ABCA1: variants seen among roughly 807,000 people sequenced by gnomAD.
The protein encoded by ABCA1 is ATP binding cassette subfamily A member 1, also known as phospholipid-transporting ATPase ABCA1.
Under a neutral mutation model 262.5 loss-of-function variants are expected in ABCA1, and 133 were observed. The observed-to-expected ratio is 0.51, with a 90% confidence interval of 0.44 to 0.59. The LOEUF is 0.59. Ranked by LOEUF, ABCA1 falls within the 20% of genes least tolerant of loss-of-function variation. The pLI, the probability that ABCA1 is intolerant of heterozygous loss-of-function variation, is 0.00. For synonymous variants in ABCA1, 1,022 were observed against 1,043.5 expected (o/e 0.98, Z 0.40); for missense variants, 2,452 against 2,777.5 (o/e 0.88, Z 2.63).
At chr9:104,882,942 T>A in intron 5 of ABCA1, 97 bp downstream of exon 5, 1 of 1,205,796 alleles carries the variant, frequency 8.3e-7, no homozygotes, top group East Asian at 2.3e-5. Flanking sequence ...TTGGGGAAGA[T>A]CTAATGGGAA....
At chr9:104,807,601 G>A (rs1830882484) in intron 30 of ABCA1, among the ~76,000 whole-genome samples, 1 of 151,954 alleles carries the variant, frequency 6.6e-6, no homozygotes. Context: ...GGATCACTAA[G>A]TCAGGAGTTC....
chr9:104,926,117 G>A (rs1170499517), intron 1 of ABCA1, among the ~76,000 whole-genome samples: 2 of 152,098 alleles, frequency 1.3e-5, no homozygotes, highest in African/African-American at 4.8e-5. Flanking sequence ...GCCATGGAGG[G>A]CAAGTGACTT....
In ABCA1 at chr9:104,799,905, T is replaced by C; in HGVS notation, c.4857A>G (p.Gln1619=). 3 of 1,614,198 alleles carry C rather than the reference T, an allele frequency of 1.9e-6. No individual in the cohort carries two copies. The highest frequency in any genetic ancestry group is 2.5e-6 in the Non-Finnish European group (3 of 1,180,040). ...CATAATGGCTAGGGTTCTCTCCCTTTTGCAGGTTGGCCCGGAGAATGGCAT... is the reference window on the plus strand; with the variant it reads ...CATAATGGCTAGGGTTCTCTCCCTTCTGCAGGTTGGCCCGGAGAATGGCAT... The part of the protein sequence containing the change: ...INNAILRANL[Q]KGENPSHYGI... The change falls in exon 36 of 50, where the codon CAA becomes CAG. Residue 1619 remains glutamine (Q), a synonymous_variant. Transcript: ENST00000374736.
intron 5 of ABCA1, among the ~76,000 whole-genome samples, chr9:104,882,271 G>A (rs1230551824): frequency 2.6e-5 from 4 of 152,122 alleles, no homozygotes; most frequent in Non-Finnish European, 5.9e-5. Flanking sequence ...AACCACCGGC[G>A]CATGATAATA....
intron 11 of ABCA1, among the ~76,000 whole-genome samples, chr9:104,833,697 C>A (rs12351480): frequency 0.22 from 32,755 of 152,126 alleles, 4,840 homozygotes; most frequent in East Asian, 0.69. Context: ...TTCCTTCTTA[C>A]TGCTTAGTTT....
At chr9:104,885,377 TTTAGCTCATCTCAAACCC>T (rs1839075113) in intron 3 of ABCA1, among the ~76,000 whole-genome samples, 1 of 152,150 alleles carries the variant, frequency 6.6e-6, no homozygotes. Flanking sequence ...TAGATTGGAA[TTTAGCTCATCTCAAACCC>T]CTCTGGTACT....
At chr9:104,795,482 C>CT (rs138227793) in intron 39 of ABCA1, among the ~76,000 whole-genome samples, 178 of 152,278 alleles carry the variant, frequency 1.2e-3, no homozygotes, top group African/African-American at 4.2e-3. Flanking sequence ...TAGGATAACT[C>CT]TAAGAGCCAG....
intron 18 of ABCA1, among the ~76,000 whole-genome samples, chr9:104,823,849 C>T (rs1339472602): frequency 6.6e-6 from 1 of 152,054 alleles, no homozygotes; most frequent in African/African-American, 2.4e-5. Context: ...GGGCATCATA[C>T]TTTTACCAAG....
At chr9:104,884,912 T>A (rs1445131149) in intron 3 of ABCA1, among the ~76,000 whole-genome samples, 1 of 152,186 alleles carries the variant, frequency 6.6e-6, no homozygotes, top group Non-Finnish European at 1.5e-5. Context: ...CCTAAGCCTA[T>A]TTTTTCATAC....
chr9:104,839,884 T>C (rs1834209986), intron 9 of ABCA1, among the ~76,000 whole-genome samples: 2 of 152,228 alleles, frequency 1.3e-5, no homozygotes, highest in Non-Finnish European at 2.9e-5. Context: ...CCCAGGAACT[T>C]ATTCATCATG....
At chr9:104,828,831 ATTTTTTTTCTTC>A in intron 15 of ABCA1, 73 bp downstream of exon 15, 1 of 1,385,342 alleles carries the variant, frequency 7.2e-7, no homozygotes, top group Non-Finnish European at 1.0e-6. Context: ...AGAGGCTTGG[ATTTTTTTTCTTC>A]TTCTCCTCCC....
At chr9:104,848,386 G>T (rs1835077907) in intron 7 of ABCA1, among the ~76,000 whole-genome samples, 1 of 152,052 alleles carries the variant, frequency 6.6e-6, no homozygotes, top group Non-Finnish European at 1.5e-5. Flanking sequence ...AAGCCAAAGT[G>T]GGTGGATCAC....
chr9:104,926,111 T>C (rs1398597874), intron 1 of ABCA1, among the ~76,000 whole-genome samples: 1 of 151,966 alleles, frequency 6.6e-6, no homozygotes, highest in African/African-American at 2.4e-5. Flanking sequence ...GATTCGGCCA[T>C]GGAGGGCAAG....
chr9:104,822,719 G>C lies in ABCA1; in HGVS notation c.2657-52C>G, dbSNP rs41445345. Reference sequence around the variant, plus strand: ...AACCCACAGAAAGCACTGAGGAGTGGAGTGTAAGGACACAGGGCACTGCGC... The same window carrying C: ...AACCCACAGAAAGCACTGAGGAGTGCAGTGTAAGGACACAGGGCACTGCGC... On this transcript the variant is annotated intron_variant, in intron 18 of 49. Coordinates refer to ENST00000374736, the MANE Select transcript of ABCA1 (RefSeq NM_005502.4). 3.0e-3 allele frequency: 4,883 copies of C among 1,602,600 alleles called. 140 individuals are homozygous for C. In the African/African-American group the frequency reaches 0.06, roughly 20 times the overall value.
rs1382886680 is a variant in ABCA1 at position 104,781,819 on chromosome 9, C to T, written c.*2496G>A. Reference sequence around the variant, plus strand: ...CTGAAACTCACATAGGTACATTCCACAGGGAATATACAGAAATTTTGCTTG... The same window carrying T: ...CTGAAACTCACATAGGTACATTCCATAGGGAATATACAGAAATTTTGCTTG... On this transcript the variant is annotated 3_prime_UTR_variant, in exon 50 of 50. Coordinates refer to ENST00000374736, the MANE Select transcript of ABCA1 (RefSeq NM_005502.4). 1 of 152,548 alleles carries T rather than the reference C, an allele frequency of 6.6e-6. No homozygotes were observed. Among genetic ancestry groups the T allele is most frequent in the Non-Finnish European group, 1.5e-5 (1 of 67,996 alleles). 9.4% of individuals were successfully genotyped at this position (152,548 alleles called of 1,614,324 possible). A position where few individuals can be genotyped will look rare whatever the true frequency, so the allele number is the denominator to read the frequency against.
intron 45 of ABCA1, among the ~76,000 whole-genome samples, 176 bp downstream of exon 45, chr9:104,788,250 C>G (rs1198338899): frequency 6.6e-6 from 1 of 152,160 alleles, no homozygotes; most frequent in Non-Finnish European, 1.5e-5. Context: ...CCCACCCAGC[C>G]CTGCCCCACC....
intron 1 of ABCA1, among the ~76,000 whole-genome samples, chr9:104,920,201 C>T (rs1260897238): frequency 6.6e-6 from 1 of 152,180 alleles, no homozygotes; most frequent in African/African-American, 2.4e-5. Context: ...TGTAATTACA[C>T]ATAAAATTTG....
intron 5 of ABCA1, 34 bp downstream of exon 5, chr9:104,883,005 A>C: frequency 6.4e-7 from 1 of 1,556,814 alleles, no homozygotes; most frequent in Non-Finnish European, 8.9e-7. Context: ...TCAATTTCCA[A>C]TTATAAACGG....
In ABCA1 at chr9:104,826,712, C is replaced by T. The variant is rs77796588; in HGVS notation, c.2337+236G>A. On this transcript the variant is annotated intron_variant, in intron 16 of 49. Coordinates refer to ENST00000374736, the MANE Select transcript of ABCA1 (RefSeq NM_005502.4). ...CCAGTTCAAGATGCAGTCTGGCTCTCGGAAAAATTCCATTCAATTCAATTC... is the reference window on the plus strand; with the variant it reads ...CCAGTTCAAGATGCAGTCTGGCTCTTGGAAAAATTCCATTCAATTCAATTC... Among the ~76,000 whole-genome samples the T allele has an allele frequency of 0.015, 2,301 of 152,276 alleles. 60 individuals are homozygous for T. The highest frequency in any genetic ancestry group is 0.052 in the African/African-American group (2,162 of 41,528).
Sources: gnomAD v4.1 joint callset for allele counts (sites outside exome capture counted in the v4.1 genomes callset) on GRCh38, gnomAD v4.1.1 for gene constraint, MANE v1.5 for transcripts, NCBI Gene and HGNC (gene_info 2026-07-23, HGNC 2026-07-21) for gene names.